ADAM22: variants seen among roughly 807,000 people sequenced by gnomAD.
ADAM22 encodes disintegrin and metalloproteinase domain-containing protein 22.
ADAM22 carries 65 observed loss-of-function variants against 144.6 expected under a neutral mutation model. That is an observed-to-expected ratio of 0.45 (90% CI 0.37 to 0.55). The LOEUF is 0.55. Among genes scored for constraint, ADAM22 ranks in the 20% least tolerant of loss-of-function variants. ADAM22 has a pLI of 0.00. For synonymous variants in ADAM22, 391 were observed against 412.6 expected (o/e 0.95, Z 0.63); for missense variants, 974 against 1,184.9 (o/e 0.82, Z 2.61).
intron 3 of ADAM22, among the ~76,000 whole-genome samples, chr7:88,071,391 A>G (rs918321240): frequency 1.0e-4 from 13 of 126,042 alleles, no homozygotes; most frequent in African/African-American, 3.3e-4. Flanking sequence ...TTATGAAGTG[A>G]TTTTTTTTTT....
chr7:88,083,136 C>G (rs1438305070), intron 4 of ADAM22, among the ~76,000 whole-genome samples: 1 of 152,182 alleles, frequency 6.6e-6, no homozygotes, highest in Non-Finnish European at 1.5e-5. Context: ...GGCACACATA[C>G]ATCATGGAAT....
In ADAM22 at chr7:87,982,670, C is replaced by CAT. The variant is rs3086405; in HGVS notation, c.323+4286_323+4287dup. 6.4e-3 allele frequency among the ~76,000 whole-genome samples: 244 copies of CAT among 38,104 alleles called. 9 individuals carry two copies. Among genetic ancestry groups the CAT allele is most frequent in the Admixed American group, 9.6e-3 (26 of 2,700 alleles). 25.0% of individuals were successfully genotyped at this position (38,104 alleles called of 152,430 possible). ...ATTTATTCATCAGATTCAGTTATTA[C>CAT]ATATATATATATATATATATATATA... is the stretch of plus-strand genomic sequence containing the variant. On this transcript the variant is annotated intron_variant, in intron 3 of 31. Transcript: ENST00000413139.
rs912551713 is a variant in ADAM22 at position 88,040,601 on chromosome 7, T to G, written c.324-35025T>G. Among the ~76,000 whole-genome samples the G allele has an allele frequency of 3.9e-5, 6 of 152,200 alleles. No homozygotes were observed. The South Asian group carries it at 8.3e-4, about 21-fold the overall frequency. On this transcript the variant is annotated intron_variant, in intron 3 of 31. Coordinates refer to ENST00000413139, the MANE Select transcript of ADAM22 (RefSeq NM_001324418.2). ...AAAATTAAAATTTTATTTAGTTTTT[T>G]TTTTGTTTTGTTTTTCTATTGCTGT... is the stretch of plus-strand genomic sequence containing the variant.
chr7:88,013,316 T>A (rs368168616), intron 3 of ADAM22, among the ~76,000 whole-genome samples: 1 of 152,212 alleles, frequency 6.6e-6, no homozygotes, highest in African/African-American at 2.4e-5. Flanking sequence ...TTTGCTCAGC[T>A]TTTTTTCCTT....
At chr7:88,119,883 C>G (rs1828836601) in intron 7 of ADAM22, among the ~76,000 whole-genome samples, 1 of 152,164 alleles carries the variant, frequency 6.6e-6, no homozygotes, top group African/African-American at 2.4e-5. Context: ...CGTTATTGTA[C>G]AAGTCTTTTC....
chr7:87,949,153 C>T (rs1562824235), intron 2 of ADAM22, among the ~76,000 whole-genome samples: 1 of 152,152 alleles, frequency 6.6e-6, no homozygotes, highest in Admixed American at 6.5e-5. Flanking sequence ...ACTTATACCC[C>T]TCCTGGCCCA....
chr7:88,159,964 A>G (rs1841117269), intron 22 of ADAM22, among the ~76,000 whole-genome samples: 1 of 152,060 alleles, frequency 6.6e-6, no homozygotes, highest in South Asian at 2.1e-4. Flanking sequence ...AAGTCAAACT[A>G]TTGCTCTTTG....
chr7:87,945,662 G>A (rs1188649990), intron 2 of ADAM22, among the ~76,000 whole-genome samples: 1 of 151,830 alleles, frequency 6.6e-6, no homozygotes, highest in African/African-American at 2.4e-5. Context: ...ACAGGCGCCT[G>A]CCACCGCACC....
At chr7:88,017,209 C>T (rs766357319) in intron 3 of ADAM22, among the ~76,000 whole-genome samples, 11 of 151,910 alleles carry the variant, frequency 7.2e-5, no homozygotes, top group Non-Finnish European at 1.2e-4. Flanking sequence ...TTTATAGCAC[C>T]GTAGGGTGAA....
chr7:87,967,141 C>T (rs1849318489), intron 2 of ADAM22, among the ~76,000 whole-genome samples: 1 of 152,232 alleles, frequency 6.6e-6, no homozygotes, highest in South Asian at 2.1e-4. Context: ...CCTGAGGCCT[C>T]CCCACCCCTG....
At chr7:88,020,290 G>A (rs1349653606) in intron 3 of ADAM22, among the ~76,000 whole-genome samples, 1 of 152,180 alleles carries the variant, frequency 6.6e-6, no homozygotes, top group Non-Finnish European at 1.5e-5. Context: ...ATTCAGGCCA[G>A]AACCACCATC....
chr7:88,110,554 AAAG>A (rs1216122151), intron 5 of ADAM22, among the ~76,000 whole-genome samples: 29 of 151,812 alleles, frequency 1.9e-4, no homozygotes, highest in Admixed American at 1.9e-3. Flanking sequence ...ATAGTCTTGT[AAAG>A]AAGGATTGAA....
In ADAM22 at chr7:88,092,840, G is replaced by A. The variant is rs1027074726; in HGVS notation, c.391-15336G>A. On this transcript the variant is annotated intron_variant, in intron 4 of 31. Coordinates refer to ENST00000413139, the MANE Select transcript of ADAM22 (RefSeq NM_001324418.2). Reference sequence around the variant, plus strand: ...TATACAGGTCAGGTGTCTTAGTGCTGGAAGAAAGGAAAAATGAAAAGTGAC... The same window carrying A: ...TATACAGGTCAGGTGTCTTAGTGCTAGAAGAAAGGAAAAATGAAAAGTGAC... Among the ~76,000 whole-genome samples the A allele has an allele frequency of 4.6e-5, 7 of 152,122 alleles. No individual in the cohort carries two copies. The East Asian group carries it at 1.3e-3, about 29-fold the overall frequency.
At chr7:88,167,034 A>G (rs1389206328) in intron 24 of ADAM22, among the ~76,000 whole-genome samples, 1 of 152,182 alleles carries the variant, frequency 6.6e-6, no homozygotes, top group Admixed American at 6.5e-5. Flanking sequence ...TAGTCTGCTC[A>G]GATGACCTAG....
chr7:88,122,135 C>A (rs1480088099), intron 7 of ADAM22, among the ~76,000 whole-genome samples: 1 of 152,148 alleles, frequency 6.6e-6, no homozygotes, highest in African/African-American at 2.4e-5. Flanking sequence ...TTGTCGTTGG[C>A]AGAATTCAGT....
At chr7:88,120,567 G>T (rs988914885) in intron 7 of ADAM22, among the ~76,000 whole-genome samples, 2 of 152,072 alleles carry the variant, frequency 1.3e-5, no homozygotes, top group Non-Finnish European at 2.9e-5. Context: ...GTTGAAATTT[G>T]CATTTTTCTT....
At chr7:88,026,783 G>T (rs1799121237) in intron 3 of ADAM22, among the ~76,000 whole-genome samples, 1 of 152,124 alleles carries the variant, frequency 6.6e-6, no homozygotes, top group Non-Finnish European at 1.5e-5. Flanking sequence ...ATGAAATTGG[G>T]CATCCATTGT....
rs184816388 is a variant in ADAM22, at chr7:87,969,362, C to G, written c.247-8974C>G. On this transcript the variant is annotated intron_variant, in intron 2 of 31. Transcript: ENST00000413139. ...ATCTGAGGAGCACCAATGCATTCCT[C>G]GGTATCCCTACAGTTGAAGGACTGC... Among the ~76,000 whole-genome samples, 3 of 152,240 alleles carry G rather than the reference C, an allele frequency of 2.0e-5. No homozygotes were observed. In the East Asian group the frequency reaches 5.8e-4, roughly 29 times the overall value.
chr7:88,178,471 CA>C (rs1440065644), intron 26 of ADAM22, among the ~76,000 whole-genome samples: 1 of 152,018 alleles, frequency 6.6e-6, no homozygotes, highest in African/African-American at 2.4e-5. Flanking sequence ...GTTTAAAAGT[CA>C]ATCAGTTCTT....
Sources: gnomAD v4.1 joint callset for allele counts (sites outside exome capture counted in the v4.1 genomes callset) on GRCh38, gnomAD v4.1.1 for gene constraint, MANE v1.5 for transcripts, NCBI Gene and HGNC (gene_info 2026-07-23, HGNC 2026-07-21) for gene names.